TMEM209: variants seen among roughly 807,000 people sequenced by gnomAD.
TMEM209 encodes the protein testicular tissue protein Li 202.
TMEM209 carries 65 observed loss-of-function variants against 76.2 expected under a neutral mutation model. The ratio of observed to expected loss-of-function variants is 0.85; its 90% CI spans 0.70 to 1.05. The LOEUF is 1.05. Ranked by LOEUF, TMEM209 falls within the 50% of genes least tolerant of loss-of-function variation. The pLI is 0.00. For synonymous variants in TMEM209, 239 were observed against 237.6 expected, an observed-to-expected ratio of 1.01 and a Z score of -0.06; for missense variants, 623 against 685.5, an observed-to-expected ratio of 0.91 and a Z score of 1.02.
At chr7:130,176,223 CT>C (rs1211409938) in intron 10 of TMEM209, among the ~76,000 whole-genome samples, 9 of 151,738 alleles carry the variant, frequency 5.9e-5, no homozygotes, top group Non-Finnish European at 1.0e-4. Flanking sequence ...CACCATTCTC[CT>C]GCCTCAGCCT....
At position 130,173,843 on chromosome 7, in the gene TMEM209, G is replaced by T; in HGVS notation, c.1441C>A (p.Gln481Lys). 1 of 1,613,744 alleles carries T rather than the reference G, an allele frequency of 6.2e-7. No individual in the cohort carries two copies. The highest frequency in any genetic ancestry group is 1.1e-5 in the South Asian group (1 of 91,048). Residue 481 changes from glutamine to lysine, a missense_variant, in exon 12 of 15, where the codon CAG becomes AAG. Physicochemically the swap from Gln to Lys is moderately conservative, Grantham distance 53. Coordinates refer to ENST00000397622, the MANE Select transcript of TMEM209 (RefSeq NM_032842.4). ...GKTFTSQHFV[Q>K]TPNKPDVTNE... ...TTTATACCTGGTTTATTTGGTGTCT[G>T]AACAAAGTGCTGAGAAGTAAAAGTT...
At chr7:130,180,693 T>G (rs1420077884) in intron 9 of TMEM209, among the ~76,000 whole-genome samples, 1 of 152,158 alleles carries the variant, frequency 6.6e-6, no homozygotes, top group African/African-American at 2.4e-5. Flanking sequence ...TAAGAAGATA[T>G]ACAAATGACT....
intron 6 of TMEM209, among the ~76,000 whole-genome samples, chr7:130,188,782 T>G (rs748970793): frequency 6.6e-6 from 1 of 152,058 alleles, no homozygotes; most frequent in Non-Finnish European, 1.5e-5. Context: ...TTTTATTATA[T>G]ATTACCGACA....
chr7:130,166,840 T>C (rs1796897621), intron 14 of TMEM209, among the ~76,000 whole-genome samples: 1 of 152,176 alleles, frequency 6.6e-6, no homozygotes, highest in African/African-American at 2.4e-5. Flanking sequence ...ATGGAAGATA[T>C]GGAGATGCTA....
intron 6 of TMEM209, 89 bp from the exon 7 acceptor site, chr7:130,185,456 G>GA (rs960043059): frequency 1.6e-4 from 176 of 1,117,170 alleles, no homozygotes; most frequent in Non-Finnish European, 2.1e-4. Context: ...GGCAATCCAG[G>GA]AATCAGAAGA....
chr7:130,179,037 G>A (rs1053690783), intron 9 of TMEM209, among the ~76,000 whole-genome samples: 2 of 151,974 alleles, frequency 1.3e-5, no homozygotes, highest in African/African-American at 2.4e-5. Flanking sequence ...ATCCACCAAC[G>A]CTGGACTCCC....
At chr7:130,183,724 C>T (rs1797501971) in intron 8 of TMEM209, among the ~76,000 whole-genome samples, 1 of 152,062 alleles carries the variant, frequency 6.6e-6, no homozygotes, top group African/African-American at 2.4e-5. Flanking sequence ...AAAAGTTGGC[C>T]CAAGATTAGA....
intron 13 of TMEM209, 57 bp downstream of exon 13, chr7:130,173,575 C>T: frequency 7.6e-7 from 1 of 1,317,490 alleles, no homozygotes; most frequent in Non-Finnish European, 1.1e-6. Context: ...TTAAAAACAT[C>T]ATCCAAGCAA....
chr7:130,187,528 TC>T (rs1562892454), intron 6 of TMEM209, among the ~76,000 whole-genome samples: 1 of 151,520 alleles, frequency 6.6e-6, no homozygotes, highest in Non-Finnish European at 1.5e-5. Context: ...CTACCCCTAG[TC>T]CCTGGTCCTG....
chr7:130,184,309 A>G lies in TMEM209; in HGVS notation c.952-54T>C, dbSNP rs1046894394. On this transcript the variant is annotated intron_variant, in intron 7 of 14. Transcript: ENST00000397622. ...ATCAGTGAGGAAAAATCTTGATAGA[A>G]ATCATCATTCTTTCTCCCATCCTAA... 2.3e-6 allele frequency: 3 copies of G among 1,302,664 alleles called. No individual in the cohort carries two copies. In the African/African-American group the frequency reaches 4.4e-5, roughly 19 times the overall value. The allele number at this position is 1,302,664 out of a possible 1,614,324, so 80.7% of individuals were successfully genotyped here.
At chr7:130,177,805 T>C (rs1388508629) in intron 10 of TMEM209, among the ~76,000 whole-genome samples, 1 of 152,208 alleles carries the variant, frequency 6.6e-6, no homozygotes, top group Non-Finnish European at 1.5e-5. Flanking sequence ...TGTTTATTCC[T>C]GAATCCTGCT....
At chr7:130,174,869 T>C (rs1226583064) in intron 11 of TMEM209, among the ~76,000 whole-genome samples, 2 of 151,786 alleles carry the variant, frequency 1.3e-5, no homozygotes, top group Non-Finnish European at 2.9e-5. Context: ...CAGTGTGTAA[T>C]AATGAAAAAA....
intron 5 of TMEM209, among the ~76,000 whole-genome samples, chr7:130,199,495 C>T (rs1798111840): frequency 6.6e-6 from 1 of 152,156 alleles, no homozygotes. Context: ...GCTGGGATTA[C>T]AGGCGTGACC....
In TMEM209 at chr7:130,173,837, G is replaced by A; in HGVS notation, c.1447C>T (p.Pro483Ser). 1 of 1,613,412 alleles carries A rather than the reference G, an allele frequency of 6.2e-7. No homozygotes were observed. Among genetic ancestry groups the A allele is most frequent in the Non-Finnish European group, 8.5e-7 (1 of 1,179,380 alleles). Reference protein sequence around the residue: ...TFTSQHFVQTPNKPDVTNENV... With the variant: ...TFTSQHFVQTSNKPDVTNENV... ...GAGAGGTTTATACCTGGTTTATTTG[G>A]TGTCTGAACAAAGTGCTGAGAAGTA... The change falls in exon 12 of 15, where the codon CCA (proline) becomes TCA (serine). Residue 483 changes from proline (P) to serine (S), a missense_variant. Physicochemically the swap from Pro to Ser is moderately conservative, Grantham distance 74. Transcript: ENST00000397622.
intron 13 of TMEM209, among the ~76,000 whole-genome samples, chr7:130,171,410 C>A (rs977575741): frequency 2.0e-5 from 3 of 152,056 alleles, no homozygotes; most frequent in African/African-American, 7.2e-5. Flanking sequence ...TCCCCACTTA[C>A]TCTAATTTAA....
At chr7:130,203,071 AGAGT>A (rs1241966361) in intron 3 of TMEM209, among the ~76,000 whole-genome samples, 2 of 151,980 alleles carry the variant, frequency 1.3e-5, no homozygotes, top group Non-Finnish European at 2.9e-5. Context: ...CCTGGGTGAC[AGAGT>A]GAGACTCCTT....
intron 5 of TMEM209, among the ~76,000 whole-genome samples, chr7:130,199,621 C>T (rs562226945): frequency 1.5e-4 from 23 of 152,058 alleles, no homozygotes; most frequent in African/African-American, 5.3e-4. Context: ...TATTTTTTCC[C>T]TCTAACTTAT....
intron 4 of TMEM209, 45 bp downstream of exon 4, chr7:130,202,487 T>C (rs561105768): frequency 2.6e-6 from 4 of 1,563,128 alleles, no homozygotes; most frequent in African/African-American, 1.4e-5. Context: ...GAAAGATTTA[T>C]TGCCAACCTT....
intron 5 of TMEM209, among the ~76,000 whole-genome samples, chr7:130,201,271 T>C (rs1286969616): frequency 6.6e-6 from 1 of 152,108 alleles, no homozygotes; most frequent in African/African-American, 2.4e-5. Context: ...TTAATAGTTT[T>C]ATGCTTCAAG....
Sources: gnomAD v4.1 joint callset for allele counts (sites outside exome capture counted in the v4.1 genomes callset) on GRCh38, gnomAD v4.1.1 for gene constraint, MANE v1.5 for transcripts, NCBI Gene and HGNC (gene_info 2026-07-23, HGNC 2026-07-21) for gene names.